The following TRAPPC9 variants were observed in gnomAD, a reference collection of about 807,000 sequenced individuals.
The protein encoded by TRAPPC9 is IKK2 binding protein.
A neutral mutation model predicts 124.0 loss-of-function variants in TRAPPC9; 83 were observed. The ratio of observed to expected loss-of-function variants is 0.67; its 90% CI spans 0.56 to 0.80. The LOEUF (loss-of-function observed/expected upper bound fraction) is 0.80, where lower values mean the gene tolerates loss of function less well. Ranked by LOEUF, TRAPPC9 falls within the 30% of genes least tolerant of loss-of-function variation. The pLI, the probability that TRAPPC9 is intolerant of heterozygous loss-of-function variation, is 0.00. For missense variants in TRAPPC9, 1,302 were observed against 1,508.3 expected (o/e 0.86, Z 2.27); for synonymous variants, 638 against 617.5 (o/e 1.03, Z -0.49).
chr8:140,456,152 G>C (rs1010214770), intron 1 of TRAPPC9, among the ~76,000 whole-genome samples: 1 of 152,168 alleles, frequency 6.6e-6, no homozygotes, highest in Non-Finnish European at 1.5e-5. Flanking sequence ...GCTCACGCCT[G>C]TAATCCCAGT....
intron 21 of TRAPPC9, among the ~76,000 whole-genome samples, chr8:139,853,392 T>A (rs1480687036): frequency 2.0e-5 from 3 of 152,168 alleles, no homozygotes; most frequent in African/African-American, 7.2e-5. Flanking sequence ...CCCGCGCCCA[T>A]GGTACCTATG....
chr8:140,234,673 A>G (rs2063687921), intron 16 of TRAPPC9, among the ~76,000 whole-genome samples: 1 of 152,258 alleles, frequency 6.6e-6, no homozygotes, highest in African/African-American at 2.4e-5. Flanking sequence ...AGAAGAGAAC[A>G]TTAAGAATTA....
chr8:140,265,469 C>A (rs146610487), intron 15 of TRAPPC9, among the ~76,000 whole-genome samples: 2 of 152,288 alleles, frequency 1.3e-5, no homozygotes, highest in East Asian at 3.9e-4. Context: ...ATAGCCACAG[C>A]ACTATGGAAA....
intron 21 of TRAPPC9, among the ~76,000 whole-genome samples, chr8:139,796,887 C>T (rs115518138): frequency 0.017 from 2,609 of 152,336 alleles, 60 homozygotes; most frequent in African/African-American, 0.059. Context: ...TCCAGTTTCT[C>T]CACATCCTCA....
In TRAPPC9 at chr8:140,055,618, T is replaced by C. The variant is rs1032570195; in HGVS notation, c.2557-31539A>G. ...GACATGATCTTATATCCAGAAAACA[T>C]TACTCTACAAGCTATCAGAACTGCT... On this transcript the variant is annotated intron_variant, in intron 17 of 22. Coordinates refer to ENST00000438773, the MANE Select transcript of TRAPPC9 (RefSeq NM_001160372.4). 3.9e-5 allele frequency among the ~76,000 whole-genome samples: 6 copies of C among 152,120 alleles called. No homozygotes were observed. The East Asian group carries it at 1.2e-3, about 29-fold the overall frequency.
At chr8:139,902,570 C>A (rs543015064) in intron 20 of TRAPPC9, among the ~76,000 whole-genome samples, 11 of 152,230 alleles carry the variant, frequency 7.2e-5, no homozygotes, top group Admixed American at 1.3e-4. Flanking sequence ...ATGGCAGGAG[C>A]CGTTTATAGT....
At chr8:140,428,264 A>C (rs1452036991) in intron 4 of TRAPPC9, among the ~76,000 whole-genome samples, 5 of 152,212 alleles carry the variant, frequency 3.3e-5, no homozygotes, top group African/African-American at 9.6e-5. Flanking sequence ...TAGTGGACTG[A>C]TTTCACATTA....
At chr8:139,934,237 G>C (rs1289597621) in intron 19 of TRAPPC9, among the ~76,000 whole-genome samples, 1 of 152,086 alleles carries the variant, frequency 6.6e-6, no homozygotes, top group Non-Finnish European at 1.5e-5. Context: ...GAGAGACAGA[G>C]AGATTAGGCA....
At chr8:140,071,842 G>A (rs565188413) in intron 17 of TRAPPC9, among the ~76,000 whole-genome samples, 4 of 152,302 alleles carry the variant, frequency 2.6e-5, no homozygotes, top group South Asian at 2.1e-4. Flanking sequence ...CACACACTGC[G>A]TATGACAAGC....
chr8:139,900,167 G>T (rs1830930546), intron 20 of TRAPPC9, among the ~76,000 whole-genome samples: 1 of 152,202 alleles, frequency 6.6e-6, no homozygotes, highest in Non-Finnish European at 1.5e-5. Flanking sequence ...TGCTTTTCCT[G>T]TTGCCGCTTC....
chr8:140,023,819 TGG>T, intron 18 of TRAPPC9, 116 bp downstream of exon 18: 1 of 1,488,998 alleles, frequency 6.7e-7, no homozygotes, highest in Non-Finnish European at 9.3e-7. Flanking sequence ...CTCAGCAACT[TGG>T]CCCCATGGCA....
chr8:139,777,065 C>T (rs1821444583), intron 21 of TRAPPC9, among the ~76,000 whole-genome samples: 3 of 152,224 alleles, frequency 2.0e-5, no homozygotes. Context: ...CCTTCACCTT[C>T]CATGGCCTCC....
At chr8:139,978,771 C>T (rs1311688227) in intron 19 of TRAPPC9, among the ~76,000 whole-genome samples, 1 of 152,208 alleles carries the variant, frequency 6.6e-6, no homozygotes, top group Non-Finnish European at 1.5e-5. Flanking sequence ...GGAAGTTGCC[C>T]AGGCCTGAGG....
intron 17 of TRAPPC9, among the ~76,000 whole-genome samples, chr8:140,139,132 T>C (rs569177319): frequency 6.6e-6 from 1 of 152,168 alleles, no homozygotes; most frequent in South Asian, 2.1e-4. Flanking sequence ...AGGTAAGGGA[T>C]CCTTGAAGTC....
rs998845633 is a variant in TRAPPC9, at chr8:139,730,311, C to G, written c.*750G>C. On this transcript the variant is annotated 3_prime_UTR_variant, in exon 23 of 23. Coordinates refer to ENST00000438773, the MANE Select transcript of TRAPPC9 (RefSeq NM_001160372.4). ...TGACGGGCTGGGTGGGGGCCCCGGA[C>G]TGCACTGGGCTAGCAGATGCAGGGA... 3.9e-5 allele frequency: 6 copies of G among 152,398 alleles called. No homozygotes were observed. The highest frequency in any genetic ancestry group is 1.4e-4 in the African/African-American group (6 of 41,422). 9.4% of individuals were successfully genotyped at this position (152,398 alleles called of 1,614,324 possible). A position where few individuals can be genotyped will look rare whatever the true frequency, so the allele number is the denominator to read the frequency against.
chr8:140,220,269 A>T (rs1458587853), intron 17 of TRAPPC9, among the ~76,000 whole-genome samples: 1 of 152,160 alleles, frequency 6.6e-6, no homozygotes, highest in Non-Finnish European at 1.5e-5. Context: ...AGACATGCAA[A>T]GAAAGTCTGC....
chr8:140,333,359 G>GTAGATA (rs1425417708), intron 9 of TRAPPC9, among the ~76,000 whole-genome samples: 3 of 151,892 alleles, frequency 2.0e-5, no homozygotes, highest in Admixed American at 2.0e-4. Flanking sequence ...AGATATAGAT[G>GTAGATA]TAGATATAGA....
intron 17 of TRAPPC9, among the ~76,000 whole-genome samples, chr8:140,091,925 G>A (rs1844590264): frequency 6.6e-6 from 1 of 151,924 alleles, no homozygotes; most frequent in East Asian, 1.9e-4. Flanking sequence ...TTCCACCTCT[G>A]CAGACCCATC....
intron 17 of TRAPPC9, among the ~76,000 whole-genome samples, chr8:140,025,070 A>G (rs1013431296): frequency 3.9e-5 from 6 of 152,306 alleles, no homozygotes; most frequent in Admixed American, 1.3e-4. Flanking sequence ...GACCCCACCC[A>G]TGGGGGTGGC....
Sources: allele counts gnomAD v4.1 joint callset (sites outside exome capture counted in the v4.1 genomes callset), GRCh38; gene constraint gnomAD v4.1.1; transcripts MANE v1.5; gene names NCBI Gene and HGNC (gene_info 2026-07-23, HGNC 2026-07-21).